CNOT10: variants seen among roughly 807,000 people sequenced by gnomAD.
CNOT10 encodes CCR4-NOT transcription complex, subunit 10.
In CNOT10, 30 loss-of-function variants were observed where a neutral mutation model predicts 94.6. The ratio of observed to expected loss-of-function variants is 0.32; its 90% CI spans 0.24 to 0.43. The LOEUF (loss-of-function observed/expected upper bound fraction) is 0.43, where lower values mean the gene tolerates loss of function less well. Among genes scored for constraint, CNOT10 ranks in the 20% least tolerant of loss-of-function variants. CNOT10 has a pLI of 1.00. For synonymous variants in CNOT10, 289 were observed against 301.6 expected, an observed-to-expected ratio of 0.96 and a Z score of 0.43; for missense variants, 759 against 877.2, an observed-to-expected ratio of 0.87 and a Z score of 1.70.
chr3:32,692,996 A>G (rs946764605), intron 1 of CNOT10, among the ~76,000 whole-genome samples: 1 of 152,162 alleles, frequency 6.6e-6, no homozygotes, highest in African/African-American at 2.4e-5. Flanking sequence ...GTGAGCCGTG[A>G]TCACAGCACC....
chr3:32,686,304 C>G (rs146456149), intron 1 of CNOT10, among the ~76,000 whole-genome samples: 1 of 152,224 alleles, frequency 6.6e-6, no homozygotes, highest in Non-Finnish European at 1.5e-5. Flanking sequence ...ACTTAAGTGA[C>G]AGGATTTAAA....
At chr3:32,760,616 A>G (rs1195378809) in intron 14 of CNOT10, among the ~76,000 whole-genome samples, 1 of 152,128 alleles carries the variant, frequency 6.6e-6, no homozygotes, top group Admixed American at 6.5e-5. Flanking sequence ...GGAGTGACAC[A>G]GCAAGACTCC....
In CNOT10 at chr3:32,713,351, C is replaced by A; in HGVS notation, c.555C>A (p.Asn185Lys). Residue 185 changes from asparagine to lysine, a missense_variant, in exon 5 of 19, where the codon AAC (asparagine) becomes AAA (lysine). By Grantham distance (94) the Asn-to-Lys change is moderately conservative. Transcript: ENST00000328834. ...AAATGATTTCACAGGGTAACAATAA[C>A]AAAAATGGAAAGAATGAGGTGAGTC... The part of the protein sequence containing the change: ...LEKMISQGNN[N>K]KNGKNETGNN... The A allele has an allele frequency of 1.3e-6, 2 of 1,593,166 alleles. No individual in the cohort carries two copies. Among genetic ancestry groups the A allele is most frequent in the South Asian group, 1.2e-5 (1 of 86,420 alleles).
chr3:32,763,660 A>G (rs1559518642), intron 15 of CNOT10, among the ~76,000 whole-genome samples: 1 of 152,092 alleles, frequency 6.6e-6, no homozygotes, highest in Non-Finnish European at 1.5e-5. Context: ...AAGAAAAAAA[A>G]AAAATTAAAT....
intron 17 of CNOT10, among the ~76,000 whole-genome samples, chr3:32,767,951 G>A (rs1339053762): frequency 1.3e-5 from 2 of 152,106 alleles, no homozygotes; most frequent in South Asian, 2.1e-4. Flanking sequence ...GACAGATGGG[G>A]TCAGGCCTGG....
intron 14 of CNOT10, among the ~76,000 whole-genome samples, chr3:32,762,388 G>A (rs1393197738): frequency 1.3e-5 from 2 of 151,912 alleles, no homozygotes; most frequent in South Asian, 2.1e-4. Flanking sequence ...TCCCACCTCA[G>A]CCTCCTGAGT....
chr3:32,766,088 C>G lies in CNOT10; in HGVS notation c.2004+1279C>G, dbSNP rs190184030. 2.0e-4 allele frequency among the ~76,000 whole-genome samples: 9 copies of G among 44,504 alleles called. 4 individuals carry two copies. In the East Asian group the frequency reaches 6.0e-3, roughly 30 times the overall value. The allele number at this position is 44,504 out of a possible 152,430, so 29.2% of individuals were successfully genotyped here. A position where few individuals can be genotyped will look rare whatever the true frequency, so the allele number is the denominator to read the frequency against. On this transcript the variant is annotated intron_variant, in intron 17 of 18. Coordinates refer to ENST00000328834, the MANE Select transcript of CNOT10 (RefSeq NM_015442.3). Reference sequence around the variant, plus strand: ...TGGCGCAATCTCGGCTCACTGCAACCTCCGCCTCCCGGGTTCAAACACTTC... The same window carrying G: ...TGGCGCAATCTCGGCTCACTGCAACGTCCGCCTCCCGGGTTCAAACACTTC...
intron 7 of CNOT10, 53 bp downstream of exon 7, chr3:32,717,290 T>A: frequency 9.5e-7 from 1 of 1,051,174 alleles, no homozygotes; most frequent in Non-Finnish European, 1.5e-6. Flanking sequence ...TTATTTAGAC[T>A]ATGGGTATTG....
At chr3:32,743,709 T>C (rs1041052118) in intron 13 of CNOT10, among the ~76,000 whole-genome samples, 2 of 152,182 alleles carry the variant, frequency 1.3e-5, no homozygotes, top group African/African-American at 4.8e-5. Flanking sequence ...AATTTAACTT[T>C]ACCTTCTGAG....
At position 32,737,378 on chromosome 3, in the gene CNOT10, C is replaced by T. The variant is rs981908809; in HGVS notation, c.1515-32C>T. On this transcript the variant is annotated intron_variant, in intron 12 of 18. Transcript: ENST00000328834. ...TACGTTTAATTATTTATTTGTTGCTCTTCATAATTAAGACTCTTACCTCTA... is the reference window on the plus strand; with the variant it reads ...TACGTTTAATTATTTATTTGTTGCTTTTCATAATTAAGACTCTTACCTCTA... The T allele has an allele frequency of 8.4e-6, 12 of 1,432,100 alleles. 1 individual carries two copies. In the Admixed American group the frequency reaches 2.4e-4, roughly 28 times the overall value. 88.7% of individuals were successfully genotyped at this position (1,432,100 alleles called of 1,614,324 possible).
At chr3:32,761,285 A>G (rs1700429840) in intron 14 of CNOT10, among the ~76,000 whole-genome samples, 1 of 152,194 alleles carries the variant, frequency 6.6e-6, no homozygotes, top group African/African-American at 2.4e-5. Context: ...GGTTGCCTCT[A>G]AAGTACCTTC....
At chr3:32,704,676 G>A in intron 2 of CNOT10, 135 bp from the exon 3 acceptor site, 1 of 934,356 alleles carries the variant, frequency 1.1e-6, no homozygotes, top group Non-Finnish European at 1.5e-6. Context: ...ACTTTGATTA[G>A]TATATGTAGG....
intron 1 of CNOT10, among the ~76,000 whole-genome samples, chr3:32,686,823 C>G (rs1334378149): frequency 6.6e-6 from 1 of 152,190 alleles, no homozygotes; most frequent in Non-Finnish European, 1.5e-5. Flanking sequence ...GACCTAAAGC[C>G]CATCCAGTTT....
chr3:32,758,758 G>A (rs1249283691), intron 13 of CNOT10, among the ~76,000 whole-genome samples: 2 of 152,198 alleles, frequency 1.3e-5, no homozygotes, highest in African/African-American at 2.4e-5. Flanking sequence ...TGAGCTGTCT[G>A]TGAAGTAGAA....
rs777093785 is a variant in CNOT10 at position 32,713,237 on chromosome 3, T to G, written c.441T>G (p.Phe147Leu). ...YQFIEPFEEK[F>L]AQAVCFLLVD... ...TTTTTTTTCTCCCAGAAGAAAAATT[T>G]GCCCAAGCAGTGTGTTTTTTGCTTG... The change falls in exon 5 of 19, where the codon TTT becomes TTG. Residue 147 changes from phenylalanine (F) to leucine (L), a missense_variant. By Grantham distance (22) the Phe-to-Leu change is conservative (BLOSUM62 0). Transcript: ENST00000328834. 6.4e-7 allele frequency: 1 copy of G among 1,569,572 alleles called. No homozygotes were observed. Among genetic ancestry groups the G allele is most frequent in the Admixed American group, 2.2e-5 (1 of 44,742 alleles).
intron 13 of CNOT10, among the ~76,000 whole-genome samples, chr3:32,745,373 A>G (rs1389208180): frequency 1.3e-5 from 2 of 152,154 alleles, no homozygotes; most frequent in South Asian, 2.1e-4. Context: ...GTGGATTCCA[A>G]GCACCAACTG....
chr3:32,759,502 G>A lies in CNOT10; in HGVS notation c.1640G>A (p.Gly547Asp). 6.2e-7 allele frequency: 1 copy of A among 1,614,072 alleles called. No homozygotes were observed. Among genetic ancestry groups the A allele is most frequent in the Non-Finnish European group, 8.5e-7 (1 of 1,179,984 alleles). Reference sequence around the variant, plus strand: ...AGTGCCTACGTGGCTCTGGCTTTGGGTGATAACCTCATGGCTTTGAATCAT... The same window carrying A: ...AGTGCCTACGTGGCTCTGGCTTTGGATGATAACCTCATGGCTTTGAATCAT... ...ACSAYVALAL[G>D]DNLMALNHAD... Residue 547 changes from glycine (G) to aspartate (D), a missense_variant, in exon 14 of 19, where the codon GGT (glycine) becomes GAT (aspartate). Gly to Asp is a moderately conservative substitution (Grantham distance 94). Coordinates refer to ENST00000328834, the MANE Select transcript of CNOT10 (RefSeq NM_015442.3).
Position 32,727,860 on chromosome 3 carries a change from C to T in CNOT10, c.1205C>T (p.Ala402Val). ...CGGCTGGCTGAATGCTGCATTGCTG[C>T]CAATAAGGGGGTGAGTGCTACTTGG... ...WLRLAECCIA[A>V]NKGTSEQETK... Residue 402 changes from alanine (A) to valine (V), a missense_variant, in exon 10 of 19, where the codon GCC becomes GTC. By Grantham distance (64) the Ala-to-Val change is moderately conservative (BLOSUM62 0). Transcript: ENST00000328834. 1.2e-6 allele frequency: 2 copies of T among 1,612,088 alleles called. No homozygotes were observed. The highest frequency in any genetic ancestry group is 1.7e-6 in the Non-Finnish European group (2 of 1,179,564).
intron 8 of CNOT10, among the ~76,000 whole-genome samples, chr3:32,720,465 G>T (rs574927638): frequency 8.6e-5 from 13 of 151,390 alleles, no homozygotes; most frequent in African/African-American, 1.5e-4. Context: ...TTCCAGGTTG[G>T]ATCGCTTTCC....
Sources: allele counts gnomAD v4.1 joint callset (sites outside exome capture counted in the v4.1 genomes callset), GRCh38; gene constraint gnomAD v4.1.1; transcripts MANE v1.5; gene names NCBI Gene and HGNC (gene_info 2026-07-23, HGNC 2026-07-21).